HEG1: variants seen among roughly 807,000 people sequenced by gnomAD.
HEG1 encodes the protein heart development protein with EGF like domains 1.
In HEG1, 56 loss-of-function variants were observed where a neutral mutation model predicts 125.6. The ratio of observed to expected loss-of-function variants is 0.45; its 90% confidence interval spans 0.36 to 0.56. HEG1 has a LOEUF of 0.56. Among genes scored for constraint, HEG1 ranks in the 20% least tolerant of loss-of-function variants. HEG1 has a pLI of 0.00. For synonymous variants in HEG1, 644 were observed against 668.5 expected (o/e 0.96, Z 0.57); for missense variants, 1,523 against 1,670.0 (o/e 0.91, Z 1.53).
At chr3:125,014,513 A>AGTG (rs1937214275) in intron 5 of HEG1, among the ~76,000 whole-genome samples, 1 of 148,680 alleles carries the variant, frequency 6.7e-6, no homozygotes. Context: ...TCCTTAGGTG[A>AGTG]GTGTGTGTGG....
intron 15 of HEG1, among the ~76,000 whole-genome samples, chr3:124,976,410 A>G (rs918818257): frequency 1.3e-5 from 2 of 149,560 alleles, no homozygotes; most frequent in Non-Finnish European, 3.0e-5. Context: ...CTGGTCTTGA[A>G]CTCCTGATCT....
chr3:125,009,603 T>C, intron 8 of HEG1, 102 bp downstream of exon 8: 1 of 1,253,888 alleles, frequency 8.0e-7, no homozygotes, highest in East Asian at 2.6e-5. Context: ...AGTTTATACC[T>C]TGGACAAATA....
chr3:125,014,900 A>G (rs1196519491), intron 5 of HEG1: 1 of 1,289,730 alleles, frequency 7.8e-7, no homozygotes, highest in African/African-American at 1.5e-5. Context: ...CCCCGTTTCC[A>G]GTGACAGTAG....
intron 14 of HEG1, among the ~76,000 whole-genome samples, chr3:124,987,952 C>CACACACACACACACACACATATATATAT: frequency 3.7e-4 from 20 of 54,690 alleles, no homozygotes; most frequent in South Asian, 2.0e-3. Flanking sequence ...CACACACACA[C>CACACACACACACACACACATATATATAT]ATATATATAT....
rs1199324296 is a variant in HEG1 at position 124,970,704 on chromosome 3, T to A, written c.4094A>T (p.Gln1365Leu). ...GSRHSCIFPGQYNPSFISDES... is the reference protein window; with the variant it reads ...GSRHSCIFPGLYNPSFISDES... ...ATCACTGATGAAAGACGGGTTATAC[T>A]GTCCGGGGAAAATGCAAGAATGCCG... The change falls in exon 17 of 17, where the codon CAG (glutamine) becomes CTG (leucine). Residue 1365 changes from glutamine to leucine, a missense_variant. Transcript: ENST00000311127. 1 of 1,609,106 alleles carries A rather than the reference T, an allele frequency of 6.2e-7. No homozygotes were observed. The highest frequency in any genetic ancestry group is 1.3e-5 in the African/African-American group (1 of 74,874).
At chr3:125,018,563 G>T (rs1299895184) in intron 5 of HEG1, among the ~76,000 whole-genome samples, 1 of 152,176 alleles carries the variant, frequency 6.6e-6, no homozygotes, top group Non-Finnish European at 1.5e-5. Context: ...AAAAAACAGA[G>T]AATTTATTTG....
rs1937174503 is a variant in HEG1 at position 125,012,750 on chromosome 3, G to A, written c.2829C>T (p.Ser943=). 1 of 1,613,892 alleles carries A rather than the reference G, an allele frequency of 6.2e-7. No homozygotes were observed. Among genetic ancestry groups the A allele is most frequent in the South Asian group, 1.1e-5 (1 of 91,080 alleles). ...VTAEYSPASR[S]LGTSPSPQTT... is the part of the protein sequence containing the mutation. Reference sequence around the variant, plus strand: ...TTTGGGGAGAAGGAGATGTTCCGAGGGAACGTGAAGCTGGGCTGTACTCTG... The same window carrying A: ...TTTGGGGAGAAGGAGATGTTCCGAGAGAACGTGAAGCTGGGCTGTACTCTG... The change falls in exon 6 of 17, where the codon TCC becomes TCT. Residue 943 remains serine, a synonymous_variant. Coordinates refer to ENST00000311127, the MANE Select transcript of HEG1 (RefSeq NM_020733.2).
intron 1 of HEG1, among the ~76,000 whole-genome samples, chr3:125,049,223 A>G (rs563815090): frequency 6.6e-6 from 1 of 152,270 alleles, no homozygotes; most frequent in Admixed American, 6.5e-5. Flanking sequence ...TCCAGATGAG[A>G]GGACAAATCA....
chr3:125,045,266 A>G (rs2981534), intron 1 of HEG1, among the ~76,000 whole-genome samples: 39,080 of 152,124 alleles, frequency 0.26, 5,408 homozygotes, highest in African/African-American at 0.33. Context: ...CCTTTGTCCC[A>G]CAGTTCTCTC....
At position 124,974,603 on chromosome 3, in the gene HEG1, T is replaced by C. The variant is rs1001910860; in HGVS notation, c.3822-698A>G. ...CTGTACAAATTCTCATTTCAGCAGG[T>C]TACAGAAATGCTACTCGTGAGATCT... On this transcript the variant is annotated intron_variant, in intron 15 of 16. Coordinates refer to ENST00000311127, the MANE Select transcript of HEG1 (RefSeq NM_020733.2). Among the ~76,000 whole-genome samples the C allele has an allele frequency of 2.6e-5, 4 of 152,200 alleles. No homozygotes were observed. In the East Asian group the frequency reaches 7.7e-4, roughly 29 times the overall value.
intron 1 of HEG1, among the ~76,000 whole-genome samples, chr3:125,040,723 T>A (rs1579436488): frequency 6.9e-6 from 1 of 145,678 alleles, no homozygotes; most frequent in African/African-American, 2.5e-5. Context: ...TTTTTTTTTT[T>A]AAAGGACTTT....
At chr3:124,979,807 C>CA (rs1936617331) in intron 14 of HEG1, among the ~76,000 whole-genome samples, 1 of 152,198 alleles carries the variant, frequency 6.6e-6, no homozygotes, top group Non-Finnish European at 1.5e-5. Flanking sequence ...ACAGGGCTGA[C>CA]ACCTTCCTCC....
chr3:125,037,432 C>T (rs1937558546), intron 1 of HEG1, among the ~76,000 whole-genome samples: 1 of 152,182 alleles, frequency 6.6e-6, no homozygotes, highest in African/African-American at 2.4e-5. Flanking sequence ...GGTAGGAGTT[C>T]CAGTGACATT....
chr3:124,987,952 C>CACACACACACATATATATATAT lies in HEG1; in HGVS notation c.3733+2834_3733+2835insATATATATATATGTGTGTGTGT. 1.6e-4 allele frequency among the ~76,000 whole-genome samples: 9 copies of CACACACACACATATATATATAT among 54,694 alleles called. No individual in the cohort carries two copies. In the South Asian group the frequency reaches 2.9e-3, roughly 18 times the overall value. The allele number at this position is 54,694 out of a possible 152,430, so 35.9% of individuals were successfully genotyped here. A position where few individuals can be genotyped will look rare whatever the true frequency, so the allele number is the denominator to read the frequency against. On this transcript the variant is annotated intron_variant, in intron 14 of 16. Transcript: ENST00000311127. ...ACACACACACACACACACACACACA[C>CACACACACACATATATATATAT]ATATATATATATATATATATATACC...
At chr3:125,053,881 C>T (rs757329583) in intron 1 of HEG1, among the ~76,000 whole-genome samples, 5 of 152,178 alleles carry the variant, frequency 3.3e-5, no homozygotes, top group Non-Finnish European at 5.9e-5. Context: ...CTACCTCTCT[C>T]TAGAGATCCC....
At chr3:125,046,398 TACACACACACAC>T (rs10522507) in intron 1 of HEG1, among the ~76,000 whole-genome samples, 18,352 of 141,578 alleles carry the variant, frequency 0.13, 1,278 homozygotes, top group Middle Eastern at 0.22. Flanking sequence ...TATATACACA[TACACACACACAC>T]ACACACACAC....
At chr3:125,045,497 G>A (rs1394000969) in intron 1 of HEG1, among the ~76,000 whole-genome samples, 2 of 152,244 alleles carry the variant, frequency 1.3e-5, no homozygotes, top group African/African-American at 4.8e-5. Flanking sequence ...GGGGGAGGCA[G>A]AAGGTCAAGG....
At chr3:124,990,644 CTT>C (rs1936817117) in intron 14 of HEG1, 141 bp downstream of exon 14, 14 of 803,492 alleles carry the variant, frequency 1.7e-5, no homozygotes, top group African/African-American at 1.7e-5. Flanking sequence ...TGGCCTTTCT[CTT>C]TGTTTCCCCC....
chr3:124,993,715 C>T (rs913002772), intron 12 of HEG1, among the ~76,000 whole-genome samples: 3 of 152,170 alleles, frequency 2.0e-5, no homozygotes, highest in Admixed American at 6.5e-5. Context: ...GTTTTTACAT[C>T]CAATCTCCCC....
Sources: allele counts gnomAD v4.1 joint callset (sites outside exome capture counted in the v4.1 genomes callset), GRCh38; gene constraint gnomAD v4.1.1; transcripts MANE v1.5; gene names NCBI Gene and HGNC (gene_info 2026-07-23, HGNC 2026-07-21).